DLGAP2: variants seen among roughly 807,000 people sequenced by gnomAD.
The protein encoded by DLGAP2 is DLG associated protein 2.
Under a neutral mutation model 100.3 loss-of-function variants are expected in DLGAP2, and 26 were observed. The ratio of observed to expected loss-of-function variants is 0.26; its 90% CI spans 0.19 to 0.36. DLGAP2 has a LOEUF of 0.36. Among genes scored for constraint, DLGAP2 ranks in the 10% least tolerant of loss-of-function variants. The probability of loss-of-function intolerance (pLI) is 1.00; values close to 1 mark genes in which losing one functional copy is unlikely to be tolerated. For synonymous variants in DLGAP2, 886 were observed against 630.1 expected (o/e 1.41, Z -6.08); for missense variants, 1,858 against 1,453.2 (o/e 1.28, Z -4.53).
At chr8:1,336,799 C>A (rs916088256) in intron 3 of DLGAP2, among the ~76,000 whole-genome samples, 1 of 152,076 alleles carries the variant, frequency 6.6e-6, no homozygotes, top group Non-Finnish European at 1.5e-5. Context: ...TACTTAAGAG[C>A]TGTTGTTCAT....
At chr8:1,198,116 G>C (rs1453982958) in intron 2 of DLGAP2, among the ~76,000 whole-genome samples, 1 of 147,434 alleles carries the variant, frequency 6.8e-6, no homozygotes, top group East Asian at 1.9e-4. Flanking sequence ...GTACGTGTGT[G>C]CGTGTGTGCG....
Position 1,705,650 on chromosome 8 carries a change from A to G in DLGAP2, c.*4244A>G, listed in dbSNP as rs968247624. ...ACACGCTTCTCCAACACGGGCCGAA[A>G]TAACTAAACTCCACATGGTTCCTGC... On this transcript the variant is annotated 3_prime_UTR_variant, in exon 15 of 15. Transcript: ENST00000637795. 3.9e-5 allele frequency: 6 copies of G among 152,278 alleles called. No individual in the cohort carries two copies. The highest frequency in any genetic ancestry group is 5.9e-5 in the Non-Finnish European group (4 of 68,080). The allele number at this position is 152,278 out of a possible 1,614,324, so 9.4% of individuals were successfully genotyped here.
chr8:1,160,081 C>G (rs574092606), intron 2 of DLGAP2, among the ~76,000 whole-genome samples: 4 of 152,256 alleles, frequency 2.6e-5, no homozygotes, highest in Admixed American at 6.5e-5. Flanking sequence ...GGCGGAACTT[C>G]CATCTCCCAC....
At chr8:1,242,351 C>T (rs145579149) in intron 2 of DLGAP2, among the ~76,000 whole-genome samples, 4 of 152,216 alleles carry the variant, frequency 2.6e-5, no homozygotes, top group Admixed American at 6.5e-5. Context: ...ATGCCATTAC[C>T]TGCTCATGGC....
At chr8:1,290,285 C>T (rs942088065) in intron 3 of DLGAP2, among the ~76,000 whole-genome samples, 5 of 152,200 alleles carry the variant, frequency 3.3e-5, no homozygotes, top group African/African-American at 7.2e-5. Context: ...TGGCTACACA[C>T]GGTGCATCCA....
At chr8:1,065,730 T>C (rs1025604011) in intron 2 of DLGAP2, among the ~76,000 whole-genome samples, 1 of 152,234 alleles carries the variant, frequency 6.6e-6, no homozygotes, top group Admixed American at 6.5e-5. Flanking sequence ...GGTTATCCCA[T>C]TTAAGTACAT....
chr8:1,501,396 G>T lies in DLGAP2; in HGVS notation c.137G>T (p.Gly46Val). Residue 46 changes from glycine to valine, a missense_variant, in exon 4 of 15, where the codon GGC becomes GTC. By Grantham distance (109) the Gly-to-Val change is moderately radical. Transcript: ENST00000637795. The stretch of plus-strand genomic sequence containing the variant: ...GAAGCTGGAGACTTGGTCCAGCCGG[G>T]CATCAGCTTTCCGGGGCCGGCAGAG... ...EEEAGDLVQP[G>V]ISFPGPAEED... 6.5e-7 allele frequency: 1 copy of T among 1,535,796 alleles called. No homozygotes were observed.
rs377198976 is a variant in DLGAP2, at chr8:1,626,814, C to T, written c.1517C>T (p.Pro506Leu). The part of the protein sequence containing the change: ...SLDPAANYNS[P>L]KFRSRNQSYM... ...GACCCCGCTGCGAACTACAACTCCC[C>T]GAAATTCCGCTCCCGGAACCAGAGC... The change falls in exon 7 of 15, where the codon CCG becomes CTG. Residue 506 changes from proline to leucine, a missense_variant. Physicochemically the swap from Pro to Leu is moderately conservative, Grantham distance 98 (BLOSUM62 -3). Transcript: ENST00000637795. 6.7e-5 allele frequency: 108 copies of T among 1,604,920 alleles called. No homozygotes were observed. The highest frequency in any genetic ancestry group is 2.9e-4 in the African/African-American group (22 of 74,686).
In DLGAP2 at chr8:1,467,122, C is replaced by T. The variant is rs1241499902; in HGVS notation, c.107-34244C>T. Among the ~76,000 whole-genome samples, 6 of 151,614 alleles carry T rather than the reference C, an allele frequency of 4.0e-5. No individual in the cohort carries two copies. The East Asian group carries it at 5.9e-4, about 15-fold the overall frequency. On this transcript the variant is annotated intron_variant, in intron 3 of 14. Transcript: ENST00000637795. The stretch of plus-strand genomic sequence containing the variant: ...GATCCAGCCAGAGGGAGGGAGGGTC[C>T]GGCAGGGGCCTGGGAGGGTCAGTCC...
chr8:1,421,724 G>C (rs10104553), intron 3 of DLGAP2, among the ~76,000 whole-genome samples: 8,407 of 152,232 alleles, frequency 0.055, 312 homozygotes, highest in Admixed American at 0.089. Flanking sequence ...CCAGCACTTT[G>C]GGAGGCTGAG....
intron 2 of DLGAP2, among the ~76,000 whole-genome samples, chr8:1,177,217 C>T (rs561132188): frequency 2.6e-5 from 4 of 152,102 alleles, no homozygotes; most frequent in Admixed American, 1.3e-4. Context: ...TTCAGCTATG[C>T]GGTTTGTCTT....
At chr8:1,519,707 A>T (rs534558568) in intron 4 of DLGAP2, among the ~76,000 whole-genome samples, 1 of 152,342 alleles carries the variant, frequency 6.6e-6, no homozygotes, top group East Asian at 1.9e-4. Flanking sequence ...TGGGATCCGT[A>T]TGCACTTGCC....
rs146009835 is a variant in DLGAP2, at chr8:1,156,248, G to A, written c.74-102603G>A. 1.2e-4 allele frequency among the ~76,000 whole-genome samples: 19 copies of A among 152,260 alleles called. No homozygotes were observed. In the East Asian group the frequency reaches 3.7e-3, roughly 30 times the overall value. On this transcript the variant is annotated intron_variant, in intron 2 of 14. Transcript: ENST00000637795. ...AATGAACCTGAAACCCAGGACCCGG[G>A]TAGGTCTCCTCCTCCTTCCCGTTTT...
chr8:1,165,758 A>T (rs754089037), intron 2 of DLGAP2, among the ~76,000 whole-genome samples: 12 of 151,726 alleles, frequency 7.9e-5, no homozygotes, highest in Non-Finnish European at 4.4e-5. Context: ...TTTCTTAGGA[A>T]CTCTAAAATT....
chr8:1,657,998 C>T (rs932588085), intron 8 of DLGAP2, among the ~76,000 whole-genome samples: 2 of 152,068 alleles, frequency 1.3e-5, no homozygotes, highest in Admixed American at 6.6e-5. Context: ...AAGAAAGTCT[C>T]CCGTTTGCAG....
At chr8:1,287,795 G>A (rs1386452584) in intron 3 of DLGAP2, among the ~76,000 whole-genome samples, 8 of 127,178 alleles carry the variant, frequency 6.3e-5, no homozygotes, top group South Asian at 2.7e-4. Context: ...GTGTATGTGT[G>A]TGTGGTTCTG....
rs931984294 is a variant in DLGAP2, at chr8:1,676,419, C to T, written c.2203-114C>T. 5 of 1,101,704 alleles carry T rather than the reference C, an allele frequency of 4.5e-6. No individual in the cohort carries two copies. In the Admixed American group the frequency reaches 8.2e-5, roughly 18 times the overall value. The allele number at this position is 1,101,704 out of a possible 1,614,324, so 68.2% of individuals were successfully genotyped here. On this transcript the variant is annotated intron_variant, in intron 10 of 14. Transcript: ENST00000637795. Reference sequence around the variant, plus strand: ...TTTTACTGGGTCAAGTGCACCGCTGCATTAATTAAACAAATGCGTAATTAA... The same window carrying T: ...TTTTACTGGGTCAAGTGCACCGCTGTATTAATTAAACAAATGCGTAATTAA...
At chr8:866,397 G>C (rs1224625957) in intron 1 of DLGAP2, among the ~76,000 whole-genome samples, 20 of 152,222 alleles carry the variant, frequency 1.3e-4, no homozygotes. Context: ...AGAGCCCAGG[G>C]CCTGGGAACC....
chr8:1,374,054 G>A (rs1003591528), intron 3 of DLGAP2, among the ~76,000 whole-genome samples: 2 of 151,864 alleles, frequency 1.3e-5, no homozygotes, highest in Non-Finnish European at 2.9e-5. Context: ...GTGGAGGTTA[G>A]GTTAGGTTTG....
Sources: allele counts gnomAD v4.1 joint callset (sites outside exome capture counted in the v4.1 genomes callset), GRCh38; gene constraint gnomAD v4.1.1; transcripts MANE v1.5; gene names NCBI Gene and HGNC (gene_info 2026-07-23, HGNC 2026-07-21).